ADCY8: variants seen among roughly 807,000 people sequenced by gnomAD.
The protein encoded by ADCY8 is adenylate cyclase 8, also known as adenylate cyclase type 8.
ADCY8 carries 51 observed loss-of-function variants against 119.7 expected under a neutral mutation model. That is an observed-to-expected ratio of 0.43 (90% CI 0.34 to 0.54). The LOEUF is 0.54. ADCY8 is among the 20% of genes least tolerant of loss of function. ADCY8 has a pLI of 0.03. For synonymous variants in ADCY8, 665 were observed against 651.0 expected (o/e 1.02, Z -0.33); for missense variants, 1,383 against 1,598.8 (o/e 0.87, Z 2.30).
At chr8:130,881,589 AAGGT>A (rs1486555389) in intron 8 of ADCY8, among the ~76,000 whole-genome samples, 1 of 152,178 alleles carries the variant, frequency 6.6e-6, no homozygotes, top group Non-Finnish European at 1.5e-5. Flanking sequence ...CCCAAGAAGA[AAGGT>A]AGGGCAGTGG....
At chr8:130,810,120 G>A (rs973236876) in intron 14 of ADCY8, among the ~76,000 whole-genome samples, 2 of 152,126 alleles carry the variant, frequency 1.3e-5, no homozygotes, top group African/African-American at 4.8e-5. Flanking sequence ...AGGAAAAGGT[G>A]GTGCTTTGGG....
chr8:130,939,707 A>G (rs756351038), intron 4 of ADCY8, among the ~76,000 whole-genome samples: 6 of 152,220 alleles, frequency 3.9e-5, no homozygotes, highest in Middle Eastern at 3.2e-3. Context: ...AAGTGCCAAA[A>G]TAATCTATCT....
At chr8:130,827,799 A>G (rs1419860670) in intron 12 of ADCY8, among the ~76,000 whole-genome samples, 1 of 152,010 alleles carries the variant, frequency 6.6e-6, no homozygotes. Flanking sequence ...GTGGACTCCA[A>G]CTCTATCCTT....
At chr8:130,971,672 T>A (rs1486250264) in intron 2 of ADCY8, among the ~76,000 whole-genome samples, 1 of 152,168 alleles carries the variant, frequency 6.6e-6, no homozygotes, top group African/African-American at 2.4e-5. Context: ...ATTAAGGATG[T>A]CTAGTCTCAG....
chr8:130,866,562 G>A (rs971014274), intron 9 of ADCY8, among the ~76,000 whole-genome samples: 3 of 152,084 alleles, frequency 2.0e-5, no homozygotes, highest in African/African-American at 7.2e-5. Flanking sequence ...CACTTGTATG[G>A]CCTTGCCAGA....
intron 5 of ADCY8, among the ~76,000 whole-genome samples, chr8:130,933,207 A>T (rs56362133): frequency 0.55 from 82,964 of 151,644 alleles, 23,879 homozygotes; most frequent in African/African-American, 0.73. Context: ...AACAAATGTT[A>T]TATTAACATA....
At chr8:130,966,260 C>T (rs1179736416) in intron 2 of ADCY8, among the ~76,000 whole-genome samples, 1 of 152,190 alleles carries the variant, frequency 6.6e-6, no homozygotes, top group East Asian at 1.9e-4. Context: ...GATCCTTGCA[C>T]CTTATGTCTA....
intron 2 of ADCY8, among the ~76,000 whole-genome samples, chr8:130,977,145 C>A (rs965981737): frequency 6.6e-6 from 1 of 152,162 alleles, no homozygotes; most frequent in East Asian, 1.9e-4. Context: ...AGAAACTGCC[C>A]GGGTCGGGTG....
At chr8:130,892,213 G>A (rs900226244) in intron 7 of ADCY8, 2 of 152,132 alleles carry the variant, frequency 1.3e-5, no homozygotes, top group African/African-American at 4.8e-5. Flanking sequence ...TAGGATTTCA[G>A]CACCCCTCTG....
At chr8:131,025,304 A>C (rs10505568) in intron 1 of ADCY8, among the ~76,000 whole-genome samples, 9,426 of 152,228 alleles carry the variant, frequency 0.062, 509 homozygotes, top group East Asian at 0.3. Flanking sequence ...TATTGAGATA[A>C]AGTGGCCTTA....
chr8:130,964,945 T>C (rs1294738167), intron 2 of ADCY8, among the ~76,000 whole-genome samples: 1 of 152,222 alleles, frequency 6.6e-6, no homozygotes, highest in Non-Finnish European at 1.5e-5. Context: ...CATTTTTTCA[T>C]AGGTTTGTTG....
At chr8:130,991,191 A>C (rs558692749) in intron 1 of ADCY8, among the ~76,000 whole-genome samples, 56 of 152,362 alleles carry the variant, frequency 3.7e-4, no homozygotes, top group African/African-American at 1.3e-3. Context: ...CAAGAAAAGT[A>C]GACAGATTCT....
At chr8:130,967,378 T>C (rs1821793771) in intron 2 of ADCY8, among the ~76,000 whole-genome samples, 1 of 152,236 alleles carries the variant, frequency 6.6e-6, no homozygotes. Flanking sequence ...TTGAGCTGAA[T>C]CCCAGCTAAG....
intron 1 of ADCY8, among the ~76,000 whole-genome samples, chr8:131,000,058 T>G (rs1822895688): frequency 6.6e-6 from 1 of 152,204 alleles, no homozygotes; most frequent in South Asian, 2.1e-4. Context: ...CAAAGTCCCT[T>G]TCATACATGT....
At chr8:130,922,526 G>A (rs1002881881) in intron 5 of ADCY8, among the ~76,000 whole-genome samples, 9 of 152,090 alleles carry the variant, frequency 5.9e-5, no homozygotes, top group Non-Finnish European at 1.3e-4. Context: ...AGGGTTGGGG[G>A]TAAGGTCACA....
At chr8:130,911,166 G>T (rs1180122859) in intron 5 of ADCY8, among the ~76,000 whole-genome samples, 1 of 152,092 alleles carries the variant, frequency 6.6e-6, no homozygotes, top group African/African-American at 2.4e-5. Context: ...TTAAGAATGA[G>T]CAAGAAAGTA....
intron 6 of ADCY8, 150 bp downstream of exon 6, chr8:130,909,558 C>A (rs1586561492): frequency 1.1e-6 from 1 of 941,432 alleles, no homozygotes; most frequent in East Asian, 2.4e-5. Flanking sequence ...ATTTTGGAAG[C>A]TAATAGTTGT....
At position 130,937,095 on chromosome 8, in the gene ADCY8, G is replaced by C. The variant is rs1163652054; in HGVS notation, c.1459C>G (p.Leu487Val). ...DHAHCCVEMG[L>V]SMIKTIRYVR... ...TACCTGATGGTTTTGATCATGCTGAGACCCATTTCAACACAGCAGTGGGCA... is the reference window on the plus strand; with the variant it reads ...TACCTGATGGTTTTGATCATGCTGACACCCATTTCAACACAGCAGTGGGCA... The change falls in exon 5 of 18, where the codon CTC (leucine) becomes GTC (valine). Residue 487 changes from leucine to valine, a missense_variant. Physicochemically the swap from Leu to Val is conservative, Grantham distance 32 (BLOSUM62 1). Coordinates refer to ENST00000286355, the MANE Select transcript of ADCY8 (RefSeq NM_001115.3). 6.2e-7 allele frequency: 1 copy of C among 1,613,726 alleles called. No homozygotes were observed. The highest frequency in any genetic ancestry group is 1.1e-5 in the South Asian group (1 of 91,018).
intron 2 of ADCY8, among the ~76,000 whole-genome samples, chr8:130,961,614 C>G (rs11786761): frequency 6.6e-6 from 1 of 152,000 alleles, no homozygotes; most frequent in South Asian, 2.1e-4. Context: ...TATCCTTCCA[C>G]TTCCCTTCTT....
Sources: allele counts gnomAD v4.1 joint callset (sites outside exome capture counted in the v4.1 genomes callset), GRCh38; gene constraint gnomAD v4.1.1; transcripts MANE v1.5; gene names NCBI Gene and HGNC (gene_info 2026-07-23, HGNC 2026-07-21).